The following CTNNA3 variants were observed in gnomAD, a reference collection of about 807,000 sequenced individuals.
The protein encoded by CTNNA3 is catenin alpha 3.
Under a neutral mutation model 95.7 loss-of-function variants are expected in CTNNA3, and 76 were observed. The observed-to-expected ratio is 0.79, with a 90% CI of 0.66 to 0.96. The LOEUF (loss-of-function observed/expected upper bound fraction) is 0.96, where lower values mean the gene tolerates loss of function less well. Ranked by LOEUF, CTNNA3 falls within the 40% of genes least tolerant of loss-of-function variation. CTNNA3 has a pLI of 0.00. For missense variants in CTNNA3, 1,191 were observed against 1,089.8 expected (o/e 1.09, Z -1.31); for synonymous variants, 431 against 374.4 (o/e 1.15, Z -1.74).
intron 7 of CTNNA3, among the ~76,000 whole-genome samples, chr10:67,096,786 A>T (rs1176296885): frequency 4.0e-5 from 6 of 151,842 alleles, no homozygotes; most frequent in African/African-American, 1.4e-4. Context: ...TTCCTCATGT[A>T]TACTACTGGT....
chr10:66,657,509 G>A (rs1846109415), intron 9 of CTNNA3, among the ~76,000 whole-genome samples: 1 of 152,060 alleles, frequency 6.6e-6, no homozygotes, highest in Non-Finnish European at 1.5e-5. Flanking sequence ...CATCCAATCT[G>A]AAGCAAATGA....
chr10:67,726,390 A>G (rs1841218207), intron 1 of CTNNA3, among the ~76,000 whole-genome samples: 1 of 35,310 alleles, frequency 2.8e-5, no homozygotes, highest in Non-Finnish European at 4.9e-5. Context: ...ATGAAATTAT[A>G]TATATTATAT....
intron 7 of CTNNA3, among the ~76,000 whole-genome samples, chr10:66,999,815 G>A (rs1280811006): frequency 6.6e-6 from 1 of 152,040 alleles, no homozygotes; most frequent in Non-Finnish European, 1.5e-5. Context: ...CAATTTTTCT[G>A]ATTTGTATAC....
At chr10:67,726,432 C>CATATATAATATTTT (rs1491155133) in intron 1 of CTNNA3, among the ~76,000 whole-genome samples, 2 of 51,408 alleles carry the variant, frequency 3.9e-5, no homozygotes, top group Non-Finnish European at 5.5e-5. Flanking sequence ...TATATTATAT[C>CATATATAATATTTT]ATATATAATA....
chr10:66,773,178 G>A (rs1260928083), intron 8 of CTNNA3, among the ~76,000 whole-genome samples: 2 of 152,080 alleles, frequency 1.3e-5, no homozygotes, highest in Non-Finnish European at 2.9e-5. Context: ...TCATCAAAAC[G>A]GAAGATCATG....
chr10:67,503,486 T>G (rs1839298016), intron 5 of CTNNA3, among the ~76,000 whole-genome samples: 1 of 152,190 alleles, frequency 6.6e-6, no homozygotes, highest in South Asian at 2.1e-4. Context: ...TCTCTTTCGT[T>G]TAATGGTTTT....
intron 7 of CTNNA3, among the ~76,000 whole-genome samples, chr10:66,875,061 G>C (rs769062278): frequency 2.6e-5 from 4 of 152,166 alleles, no homozygotes; most frequent in Non-Finnish European, 5.9e-5. Context: ...GATGCAGCCA[G>C]GGAGATCAGC....
intron 5 of CTNNA3, among the ~76,000 whole-genome samples, chr10:67,355,846 C>T (rs181525307): frequency 2.6e-5 from 4 of 152,088 alleles, no homozygotes; most frequent in African/African-American, 7.2e-5. Flanking sequence ...GTCAGTAGTA[C>T]ATATGCATAA....
At chr10:66,182,259 T>TC (rs2086081149) in intron 13 of CTNNA3, among the ~76,000 whole-genome samples, 2 of 149,694 alleles carry the variant, frequency 1.3e-5, no homozygotes, top group Non-Finnish European at 1.5e-5. Context: ...TACATTTCTT[T>TC]TTTTTTTTTT....
intron 13 of CTNNA3, among the ~76,000 whole-genome samples, chr10:66,138,926 C>A (rs1276668987): frequency 6.6e-6 from 1 of 152,176 alleles, no homozygotes; most frequent in Non-Finnish European, 1.5e-5. Flanking sequence ...CTTTACACAT[C>A]ACTCTCTCTA....
chr10:66,775,125 A>C (rs989731659), intron 8 of CTNNA3, among the ~76,000 whole-genome samples: 1 of 152,158 alleles, frequency 6.6e-6, no homozygotes, highest in Non-Finnish European at 1.5e-5. Flanking sequence ...GCCCTATTGC[A>C]TATTATTAAT....
chr10:67,722,846 G>A (rs1330258543), intron 1 of CTNNA3, among the ~76,000 whole-genome samples: 3 of 151,998 alleles, frequency 2.0e-5, no homozygotes, highest in Non-Finnish European at 4.4e-5. Flanking sequence ...GAACATATTT[G>A]CTCAAATATT....
chr10:67,136,213 T>A (rs1257343352), intron 7 of CTNNA3, among the ~76,000 whole-genome samples: 1 of 152,102 alleles, frequency 6.6e-6, no homozygotes, highest in Non-Finnish European at 1.5e-5. Flanking sequence ...TTATCCCTTA[T>A]ATTTTCTATT....
chr10:67,212,758 C>T (rs958104777), intron 6 of CTNNA3, among the ~76,000 whole-genome samples: 4 of 151,798 alleles, frequency 2.6e-5, no homozygotes, highest in African/African-American at 7.2e-5. Flanking sequence ...AGTAAATGTT[C>T]TAATGTTGAA....
At position 67,763,206 on chromosome 10, in the gene CTNNA3, G is replaced by T. The variant is rs1399734149; in HGVS notation, c.-2+228C>A. Among the ~76,000 whole-genome samples, 6 of 151,876 alleles carry T rather than the reference G, an allele frequency of 4.0e-5. No individual in the cohort carries two copies. In the East Asian group the frequency reaches 1.2e-3, roughly 29 times the overall value. On this transcript the variant is annotated intron_variant, in intron 1 of 17. Transcript: ENST00000684154. ...TAAAATTCATGCCTGGCAATGTCGG[G>T]AATTACTTTGTTCCCATGCAGTATT...
Position 67,385,258 on chromosome 10 carries a change from T to C in CTNNA3, c.579+136584A>G, listed in dbSNP as rs548828719. Among the ~76,000 whole-genome samples, 3 of 152,380 alleles carry C rather than the reference T, an allele frequency of 2.0e-5. No individual in the cohort carries two copies. The East Asian group carries it at 5.8e-4, about 29-fold the overall frequency. On this transcript the variant is annotated intron_variant, in intron 5 of 17. Transcript: ENST00000433211. ...AATAATGGCATCCCAGGGCCTCCTG[T>C]GGCTCCAGCCATCTGCACACTTGTG... is the stretch of plus-strand genomic sequence containing the variant.
At chr10:66,882,669 T>A (rs1844894286) in intron 7 of CTNNA3, among the ~76,000 whole-genome samples, 2 of 152,116 alleles carry the variant, frequency 1.3e-5, no homozygotes, top group Non-Finnish European at 2.9e-5. Flanking sequence ...AAAAGTAGAA[T>A]ATATAACAGC....
chr10:67,136,496 G>C (rs983538964), intron 7 of CTNNA3, among the ~76,000 whole-genome samples: 41 of 151,818 alleles, frequency 2.7e-4, no homozygotes, highest in African/African-American at 9.9e-4. Context: ...GCACACAAGA[G>C]AAAATAAAAG....
At chr10:66,883,819 G>A (rs575299056) in intron 7 of CTNNA3, among the ~76,000 whole-genome samples, 1 of 152,178 alleles carries the variant, frequency 6.6e-6, no homozygotes, top group Non-Finnish European at 1.5e-5. Context: ...AGATGTGAGA[G>A]AGATGAATTG....
Sources: gnomAD v4.1 joint callset for allele counts (sites outside exome capture counted in the v4.1 genomes callset) on GRCh38, gnomAD v4.1.1 for gene constraint, MANE v1.5 for transcripts, NCBI Gene and HGNC (gene_info 2026-07-23, HGNC 2026-07-21) for gene names.